The following NLGN4Y variants were observed in gnomAD, a reference collection of about 807,000 sequenced individuals.
The protein encoded by NLGN4Y is neuroligin 4 Y-linked.
A neutral mutation model predicts 8.4 loss-of-function variants in NLGN4Y; 4 were observed. The observed-to-expected ratio is 0.48, with a 90% CI of 0.23 to 1.09. The LOEUF (loss-of-function observed/expected upper bound fraction) is 1.09. Ranked by LOEUF, NLGN4Y falls within the 50% of genes least tolerant of loss-of-function variation. NLGN4Y has a pLI of 0.19. For missense variants in NLGN4Y, 90 were observed against 192.3 expected (o/e 0.47, Z 3.15); for synonymous variants, 35 against 75.6 (o/e 0.46, Z 2.78).
In NLGN4Y at chrY:14,785,653, A is replaced by T. The variant is rs781489350; in HGVS notation, c.686-38535A>T. Among the ~76,000 whole-genome samples the T allele has an allele frequency of 2.2e-4, 7 of 31,192 alleles. No individual in the cohort carries two copies. In the South Asian group the frequency reaches 5.1e-3, roughly 23 times the overall value. The allele number at this position is 31,192 out of a possible 37,273, so 83.7% of individuals were successfully genotyped here. ...GTGGCGGCTGCCTGTAGTCCCAGCTACTCAGGAGGCTGAAGCAGGAGAATG... is the reference window on the plus strand; with the variant it reads ...GTGGCGGCTGCCTGTAGTCCCAGCTTCTCAGGAGGCTGAAGCAGGAGAATG... On this transcript the variant is annotated intron_variant, in intron 4 of 6. Coordinates refer to ENST00000684976, the MANE Select transcript of NLGN4Y (RefSeq NM_001365588.1).
chrY:14,723,278 T>C lies in NLGN4Y; in HGVS notation c.685+9T>C. 2.5e-6 allele frequency: 1 copy of C among 395,256 alleles called. No individual in the cohort carries two copies. The highest frequency in any genetic ancestry group is 3.6e-6 in the Non-Finnish European group (1 of 280,572). The stretch of plus-strand genomic sequence containing the variant: ...CCGTCTGGGAATACTAGGTAAGTGA[T>C]TTCATCATGTGAATGACTAAGCAAG... On this transcript the variant is annotated intron_variant, in intron 4 of 6. Transcript: ENST00000684976.
intron 2 of NLGN4Y, among the ~76,000 whole-genome samples, chrY:14,695,383 C>G: frequency 3.0e-5 from 1 of 33,184 alleles, no homozygotes; most frequent in South Asian, 6.8e-4. Flanking sequence ...CACACATGCA[C>G]AGGTTGGCAT....
At chrY:14,815,001 G>C in intron 4 of NLGN4Y, among the ~76,000 whole-genome samples, 1 of 32,800 alleles carries the variant, frequency 3.0e-5, no homozygotes, top group African/African-American at 1.2e-4. Context: ...GGAAATGTCA[G>C]TGTTGGGACT....
chrY:14,742,804 G>A (rs750877777), intron 4 of NLGN4Y, among the ~76,000 whole-genome samples: 7 of 31,836 alleles, frequency 2.2e-4, no homozygotes, highest in African/African-American at 8.5e-4. Context: ...CTCTTCTGAG[G>A]TTATAAACAC....
At chrY:14,727,789 C>A (rs751581357) in intron 4 of NLGN4Y, among the ~76,000 whole-genome samples, 22 of 33,207 alleles carry the variant, frequency 6.6e-4, no homozygotes, top group Admixed American at 2.2e-3. Flanking sequence ...GAAATAGGGG[C>A]CCCTGGTGTC....
At chrY:14,551,087 T>C (rs2080191001) in intron 1 of NLGN4Y, among the ~76,000 whole-genome samples, 1 of 33,217 alleles carries the variant, frequency 3.0e-5, no homozygotes, top group Non-Finnish European at 7.4e-5. Context: ...AATAAAGGGA[T>C]GGAGGACTAT....
intron 4 of NLGN4Y, among the ~76,000 whole-genome samples, chrY:14,756,029 T>A: frequency 8.8e-5 from 3 of 34,000 alleles, no homozygotes; most frequent in Non-Finnish European, 2.2e-4. Context: ...TAGTTAGTAA[T>A]CAGTGTGTTT....
At chrY:14,768,383 T>A (rs968626604) in intron 4 of NLGN4Y, among the ~76,000 whole-genome samples, 4 of 33,332 alleles carry the variant, frequency 1.2e-4, no homozygotes, top group Non-Finnish European at 2.9e-4. Context: ...ATGCTGCATG[T>A]GTTTGCTGTA....
At chrY:14,818,404 T>C (rs2043110285) in intron 4 of NLGN4Y, among the ~76,000 whole-genome samples, 2 of 33,406 alleles carry the variant, frequency 6.0e-5, no homozygotes, top group African/African-American at 2.3e-4. Flanking sequence ...CAGATGGTAA[T>C]GGACCTTCAG....
chrY:14,792,851 AGTGTGTGTGT>A (rs1569375425), intron 4 of NLGN4Y, among the ~76,000 whole-genome samples: 4 of 9,103 alleles, frequency 4.4e-4, no homozygotes, highest in Non-Finnish European at 4.2e-4. Context: ...AGAGAGAGAG[AGTGTGTGTGT>A]GTGTGTGTGT....
intron 4 of NLGN4Y, among the ~76,000 whole-genome samples, chrY:14,727,834 T>G: frequency 3.0e-5 from 1 of 33,485 alleles, no homozygotes; most frequent in Non-Finnish European, 7.4e-5. Context: ...CATGTTCCCA[T>G]GGGCCTATAC....
intron 3 of NLGN4Y, among the ~76,000 whole-genome samples, chrY:14,721,471 C>T: frequency 3.0e-5 from 1 of 32,981 alleles, no homozygotes; most frequent in Non-Finnish European, 7.5e-5. Flanking sequence ...ACTTTTCTGC[C>T]GTGGATTAAA....
chrY:14,590,544 T>A lies in NLGN4Y; in HGVS notation c.-111-31465T>A, dbSNP rs954627102. ...CGGTAGAAGTTGTTAGTTGAACTCA[T>A]TTGGGGTTCCATTTGTAAGACCATC... On this transcript the variant is annotated intron_variant, in intron 1 of 6. Coordinates refer to ENST00000684976, the MANE Select transcript of NLGN4Y (RefSeq NM_001365588.1). Among the ~76,000 whole-genome samples, 6 of 33,446 alleles carry A rather than the reference T, an allele frequency of 1.8e-4. No individual in the cohort carries two copies. In the East Asian group the frequency reaches 4.8e-3, roughly 27 times the overall value. 89.7% of individuals were successfully genotyped at this position (33,446 alleles called of 37,273 possible). A position where few individuals can be genotyped will look rare whatever the true frequency, so the allele number is the denominator to read the frequency against.
chrY:14,785,378 AT>A, intron 4 of NLGN4Y, among the ~76,000 whole-genome samples: 1 of 33,986 alleles, frequency 2.9e-5, no homozygotes. Flanking sequence ...ATGTTATCTA[AT>A]TTTTCCTTTA....
At chrY:14,838,696 T>C in intron 6 of NLGN4Y, among the ~76,000 whole-genome samples, 1 of 32,792 alleles carries the variant, frequency 3.0e-5, no homozygotes, top group Non-Finnish European at 7.4e-5. Context: ...GGGATAATAT[T>C]TCCTGAATTC....
chrY:14,817,678 C>A, intron 4 of NLGN4Y, among the ~76,000 whole-genome samples: 4 of 32,973 alleles, frequency 1.2e-4, no homozygotes, highest in African/African-American at 4.8e-4. Context: ...TGGGATAGCA[C>A]CTGACCAAAC....
At chrY:14,730,566 T>C (rs975071952) in intron 4 of NLGN4Y, among the ~76,000 whole-genome samples, 44 of 33,134 alleles carry the variant, frequency 1.3e-3, no homozygotes, top group Non-Finnish European at 1.7e-3. Context: ...TTCCATGTCC[T>C]CATATTTTGT....
chrY:14,535,487 C>T (rs2080128901), intron 1 of NLGN4Y, among the ~76,000 whole-genome samples: 1 of 31,963 alleles, frequency 3.1e-5, no homozygotes, highest in Non-Finnish European at 7.6e-5. Flanking sequence ...TAAGGGTGAC[C>T]CAGGGAGAAA....
At chrY:14,711,997 C>A in intron 2 of NLGN4Y, among the ~76,000 whole-genome samples, 1 of 29,750 alleles carries the variant, frequency 3.4e-5, no homozygotes, top group African/African-American at 1.3e-4. Context: ...TCACTTGGAC[C>A]CAGGAAGTGG....
Sources: gnomAD v4.1 joint callset for allele counts (sites outside exome capture counted in the v4.1 genomes callset) on GRCh38, gnomAD v4.1.1 for gene constraint, MANE v1.5 for transcripts, NCBI Gene and HGNC (gene_info 2026-07-23, HGNC 2026-07-21) for gene names.